Variants in DDX5 observed in about 807,000 individuals in gnomAD.
DDX5 encodes the protein probable ATP-dependent RNA helicase DDX5.
DDX5 carries 6 observed loss-of-function variants against 68.6 expected under a neutral mutation model. The observed-to-expected ratio is 0.09, with a 90% CI of 0.05 to 0.17. The LOEUF is 0.17. DDX5 is among the 10% of genes least tolerant of loss of function. The pLI, the probability that DDX5 is intolerant of heterozygous loss-of-function variation, is 1.00. For synonymous variants in DDX5, 350 were observed against 247.0 expected, an observed-to-expected ratio of 1.42 and a Z score of -3.91; for missense variants, 499 against 756.1, an observed-to-expected ratio of 0.66 and a Z score of 3.99.
At chr17:64,502,319 C>A in intron 9 of DDX5, 96 bp from the exon 10 acceptor site, 1 of 1,486,148 alleles carries the variant, frequency 6.7e-7, no homozygotes. Flanking sequence ...TTAATTTCGC[C>A]AGAAATGAAA....
At chr17:64,505,049 T>A (rs1415802626) in intron 1 of DDX5, 1 of 456,292 alleles carries the variant, frequency 2.2e-6, no homozygotes, top group Non-Finnish European at 3.8e-6. Context: ...ACTTAGGTCA[T>A]GTAAACAGCC....
intron 1 of DDX5, chr17:64,505,592 GC>G: frequency 1.2e-6 from 1 of 805,712 alleles, no homozygotes; most frequent in African/African-American, 1.7e-5. Flanking sequence ...AGGCGCCGCC[GC>G]CATGTCCGAG....
In DDX5 at chr17:64,504,229, A is replaced by G. The variant is rs2144267161; in HGVS notation, c.300T>C (p.Asn100=). 3.1e-6 allele frequency: 5 copies of G among 1,614,130 alleles called. No individual in the cohort carries two copies. The South Asian group carries it at 3.3e-5, about 11-fold the overall frequency. ...PKPVLNFYEA[N]FPANVMDVIA... is the part of the protein sequence containing the mutation. ...CTGAAAAGTAGCACTTACCAGGGAA[A>G]TTGGCTTCATAAAAATTTAGAACTG... The change falls in exon 3 of 13, where the codon AAT becomes AAC. Residue 100 remains asparagine, a synonymous_variant. Coordinates refer to ENST00000225792, the MANE Select transcript of DDX5 (RefSeq NM_004396.5).
chr17:64,505,657 T>A, intron 1 of DDX5: 1 of 1,380,292 alleles, frequency 7.2e-7, no homozygotes. Flanking sequence ...GCCGCCCTCC[T>A]ACCCCAACAG....
rs990076004 is a variant in DDX5, at chr17:64,499,909, A to T, written c.*14T>A. The stretch of plus-strand genomic sequence containing the variant: ...AATTATGAAAAACAGACATTTACAT[A>T]TACTTCTAAAGTCTTATTGGGAATA... On this transcript the variant is annotated 3_prime_UTR_variant, in exon 13 of 13. Transcript: ENST00000225792. 1 of 1,552,166 alleles carries T rather than the reference A, an allele frequency of 6.4e-7. No individual in the cohort carries two copies. The highest frequency in any genetic ancestry group is 1.9e-5 in the Admixed American group (1 of 52,016).
At chr17:64,504,905 T>C (rs776633635) in intron 1 of DDX5, 63 bp from the exon 2 acceptor site, 21 of 1,491,312 alleles carry the variant, frequency 1.4e-5, no homozygotes, top group Middle Eastern at 1.9e-4. Context: ...CTGTATAGAT[T>C]TGTCATCCAT....
At chr17:64,504,175 G>C in intron 3 of DDX5, 47 bp downstream of exon 3, 1 of 1,611,960 alleles carries the variant, frequency 6.2e-7, no homozygotes, top group Middle Eastern at 1.7e-4. Flanking sequence ...AGAGGGGGTA[G>C]GTGGAAACAA....
Position 64,499,927 on chromosome 17 carries a change from T to C in DDX5, c.1841A>G (p.Gln614Arg). Residue 614 changes from glutamine (Q) to arginine (R), a missense_variant, in exon 13 of 13, where the codon CAA (glutamine) becomes CGA (arginine). Gln to Arg is a conservative substitution (Grantham distance 43). This residue lies in a region of DDX5 where 171 missense variants were observed against 174.8 expected (regional missense o/e 0.98). Transcript: ENST00000225792. Reference sequence around the variant, plus strand: ...TTTACATATACTTCTAAAGTCTTATTGGGAATATCCTGTTGGCATTGGATA... The same window carrying C: ...TTTACATATACTTCTAAAGTCTTATCGGGAATATCCTGTTGGCATTGGATA... ...IGYPMPTGYS[Q>R] 6.3e-7 allele frequency: 1 copy of C among 1,590,402 alleles called. No individual in the cohort carries two copies. The highest frequency in any genetic ancestry group is 8.6e-7 in the Non-Finnish European group (1 of 1,166,838).
At chr17:64,503,122 TTAG>T in intron 7 of DDX5, 24 bp from the exon 8 acceptor site, 2 of 1,611,322 alleles carry the variant, frequency 1.2e-6, no homozygotes, top group South Asian at 2.2e-5. Flanking sequence ...GGGGGAAAAA[TTAG>T]TATCAGACTC....
chr17:64,505,144 C>G, intron 1 of DDX5: 1 of 322,066 alleles, frequency 3.1e-6, no homozygotes, highest in Non-Finnish European at 5.7e-6. Context: ...CTGGCACACA[C>G]CACTTCTTGT....
In DDX5 at chr17:64,503,194, T is replaced by C. The variant is rs35390502; in HGVS notation, c.804A>G (p.Gln268=). 904 of 1,614,132 alleles carry C rather than the reference T, an allele frequency of 5.6e-4. 3 individuals are homozygous for C. The African/African-American group carries it at 0.011, about 20-fold the overall frequency. ...FEPQIRKIVD[Q]IRPDRQTLMW... The stretch of plus-strand genomic sequence containing the variant: ...TATTTCAAAGGACACTTACTCTTAT[T>C]TGATCCACAATCTTCCTTATTTGGG... The change falls in exon 7 of 13, where the codon CAA becomes CAG. Residue 268 remains glutamine, a synonymous_variant. Transcript: ENST00000225792.
chr17:64,500,298 C>T lies in DDX5; in HGVS notation c.1470G>A (p.Lys490=). The change falls in exon 13 of 13, where the codon AAG becomes AAA. Residue 490 remains lysine, a synonymous_variant. Transcript: ENST00000225792. ...CAGAGTATCTGTCCCGACGGTCATCCTTCATGCCTCCTCTACCCCTGGAAC... is the reference window on the plus strand; with the variant it reads ...CAGAGTATCTGTCCCGACGGTCATCTTTCATGCCTCCTCTACCCCTGGAAC... ...SGRSRGRGGM[K]DDRRDRYSAG... 7.4e-6 allele frequency: 12 copies of T among 1,612,030 alleles called. No homozygotes were observed. The highest frequency in any genetic ancestry group is 1.3e-5 in the African/African-American group (1 of 74,994).
chr17:64,499,998 T>C lies in DDX5; in HGVS notation c.1770A>G (p.Gln590=). ...NVPNMHNGMN[Q]QAYAYPATAA... is the part of the protein sequence containing the mutation. ...CAGTAGCAGGATATGCATATGCCTG[T>C]TGGTTCATACCATTGTGCATATTTG... The change falls in exon 13 of 13, where the codon CAA becomes CAG. Residue 590 remains glutamine (Q), a synonymous_variant. Transcript: ENST00000225792. 1.2e-6 allele frequency: 2 copies of C among 1,614,168 alleles called. No homozygotes were observed. Among genetic ancestry groups the C allele is most frequent in the East Asian group, 2.2e-5 (1 of 44,894 alleles).
At chr17:64,506,019 G>GGGCCCCCCCCCCCCCCCCCC in intron 1 of DDX5, 57 bp downstream of exon 1, 1 of 1,360,430 alleles carries the variant, frequency 7.4e-7, no homozygotes. Flanking sequence ...CCGCCACCCT[G>GGGCCCCCCCCCCCCCCCCCC]ACCCGCCCTC....
chr17:64,503,496 G>A lies in DDX5; in HGVS notation c.583C>T (p.Arg195Cys), dbSNP rs781922880. Reference sequence around the variant, plus strand: ...CCGTAGATACAAGTAGACTTCAAGCGACATGCTCTACAATATTCAGCAGCT... The same window carrying A: ...CCGTAGATACAAGTAGACTTCAAGCAACATGCTCTACAATATTCAGCAGCT... The part of the protein sequence containing the change: ...QVAAEYCRAC[R>C]LKSTCIYGGA... Residue 195 changes from arginine (R) to cysteine (C), a missense_variant, in exon 6 of 13, where the codon CGC (arginine) becomes TGC (cysteine). Around this residue, in one of 5 missense-constraint regions of DDX5, gnomAD observed 141 missense variants for 279.8 expected, o/e 0.50. Transcript: ENST00000225792. 7 of 1,614,220 alleles carry A rather than the reference G, an allele frequency of 4.3e-6. No individual in the cohort carries two copies. Among genetic ancestry groups the A allele is most frequent in the Non-Finnish European group, 5.1e-6 (6 of 1,180,040 alleles).
At chr17:64,502,099 T>C (rs2038310779) in intron 10 of DDX5, 30 bp from the exon 11 acceptor site, 11 of 1,613,882 alleles carry the variant, frequency 6.8e-6, no homozygotes, top group Non-Finnish European at 8.5e-6. Context: ...CATGATCAAT[T>C]ATCTGAGCAG....
chr17:64,503,165 C>T, intron 7 of DDX5, 23 bp downstream of exon 7: 2 of 1,613,176 alleles, frequency 1.2e-6, no homozygotes, highest in Non-Finnish European at 8.5e-7. Context: ...TCAGTTTGAT[C>T]ACATATTTCA....
chr17:64,506,071 C>G lies in DDX5; in HGVS notation c.44+5G>C. On this transcript the variant is annotated splice_donor_5th_base_variant and intron_variant, in intron 1 of 12. Coordinates refer to ENST00000225792, the MANE Select transcript of DDX5 (RefSeq NM_004396.5). Reference sequence around the variant, plus strand: ...CAGGCCTGACAGCTCGGCTCCCAAACTCACCCTCGGTCCCGGCCGCGGTCT... The same window carrying G: ...CAGGCCTGACAGCTCGGCTCCCAAAGTCACCCTCGGTCCCGGCCGCGGTCT... The G allele has an allele frequency of 7.4e-7, 1 of 1,347,672 alleles. No homozygotes were observed. Among genetic ancestry groups the G allele is most frequent in the Non-Finnish European group, 9.8e-7 (1 of 1,020,374 alleles). 83.5% of individuals were successfully genotyped at this position (1,347,672 alleles called of 1,614,324 possible). A position where few individuals can be genotyped will look rare whatever the true frequency, so the allele number is the denominator to read the frequency against.
rs200890573 is a variant in DDX5 at position 64,504,177 on chromosome 17, T to C, written c.307+45A>G. 2,148 of 1,612,648 alleles carry C rather than the reference T, an allele frequency of 1.3e-3. 2 individuals are homozygous for C. Among genetic ancestry groups the C allele is most frequent in the Middle Eastern group, 2.8e-3 (17 of 6,062 alleles). ...GATGCCAAGAAAAAGAGGGGGTAGG[T>C]GGAAACAAAAACACGGGTAGGTAGA... On this transcript the variant is annotated intron_variant, in intron 3 of 12. Transcript: ENST00000225792.
Sources: gnomAD v4.1 joint callset for allele counts on GRCh38, gnomAD v4.1.1 for gene constraint, gnomAD v4.1.1 regional missense constraint, MANE v1.5 for transcripts, NCBI Gene and HGNC (gene_info 2026-07-23, HGNC 2026-07-21) for gene names.